Variants in DNAH14 observed in about 807,000 individuals in gnomAD.
DNAH14 encodes dynein axonemal heavy chain 14.
Under a neutral mutation model 520.9 loss-of-function variants are expected in DNAH14, and 478 were observed. The ratio of observed to expected loss-of-function variants is 0.92; its 90% confidence interval spans 0.85 to 0.99. The LOEUF (loss-of-function observed/expected upper bound fraction) is 0.99, where lower values mean the gene tolerates loss of function less well. DNAH14 is among the 50% of genes least tolerant of loss of function. DNAH14 has a pLI of 0.00. For synonymous variants in DNAH14, 1,581 were observed against 1,757.2 expected (o/e 0.90, Z 2.51); for missense variants, 4,831 against 5,234.5 (o/e 0.92, Z 2.38).
chr1:225,155,605 A>T (rs2080953734), intron 34 of DNAH14, among the ~76,000 whole-genome samples: 1 of 152,180 alleles, frequency 6.6e-6, no homozygotes, highest in Non-Finnish European at 1.5e-5. Flanking sequence ...TTCTTTACGT[A>T]AGTATTTCAG....
intron 60 of DNAH14, among the ~76,000 whole-genome samples, chr1:225,317,614 C>T (rs780430731): frequency 1.3e-5 from 2 of 151,442 alleles, no homozygotes; most frequent in Non-Finnish European, 2.9e-5. Context: ...TATACAACTC[C>T]CAGTAAAAAA....
At chr1:225,322,085 C>CTTTTTTTTTTTTTTTTTTTTTTT (rs3047035) in intron 61 of DNAH14, among the ~76,000 whole-genome samples, 12 of 90,180 alleles carry the variant, frequency 1.3e-4, no homozygotes, top group South Asian at 5.1e-4. Flanking sequence ...TTTTTTCTTT[C>CTTTTTTTTTTTTTTTTTTTTTTT]TTTTTTTTTT....
chr1:225,324,719 T>A lies in DNAH14; in HGVS notation c.9628-18T>A. ...CCCGACGTTTTTGACACTTAAATGTTCTGACATTCTCTTTAAGGTTGTGGG... is the reference window on the plus strand; with the variant it reads ...CCCGACGTTTTTGACACTTAAATGTACTGACATTCTCTTTAAGGTTGTGGG... On this transcript the variant is annotated intron_variant, in intron 63 of 85. Coordinates refer to ENST00000682510, the MANE Select transcript of DNAH14 (RefSeq NM_001367479.1). 1 of 1,544,928 alleles carries A rather than the reference T, an allele frequency of 6.5e-7. No homozygotes were observed. Among genetic ancestry groups the A allele is most frequent in the East Asian group, 2.4e-5 (1 of 40,844 alleles).
chr1:225,006,584 C>T lies in DNAH14; in HGVS notation c.976-829C>T, dbSNP rs144522357. Among the ~76,000 whole-genome samples, 766 of 152,238 alleles carry T rather than the reference C, an allele frequency of 5.0e-3. 6 individuals carry two copies. Among genetic ancestry groups the T allele is most frequent in the African/African-American group, 0.017 (723 of 41,550 alleles). Reference sequence around the variant, plus strand: ...TGAAATACGCCCTGGTCTCCTGCAGCGCCCTCAGGCTTGCTAGGATTAGGA... The same window carrying T: ...TGAAATACGCCCTGGTCTCCTGCAGTGCCCTCAGGCTTGCTAGGATTAGGA... On this transcript the variant is annotated intron_variant, in intron 9 of 85. Coordinates refer to ENST00000682510, the MANE Select transcript of DNAH14 (RefSeq NM_001367479.1).
intron 84 of DNAH14, 133 bp from the exon 85 acceptor site, chr1:225,398,387 A>C: frequency 9.1e-7 from 1 of 1,092,990 alleles, no homozygotes; most frequent in Admixed American, 3.0e-5. Flanking sequence ...ATAAGTATTC[A>C]CCTTAGAACT....
chr1:225,293,020 C>T (rs913470139), intron 55 of DNAH14, among the ~76,000 whole-genome samples: 2 of 152,050 alleles, frequency 1.3e-5, no homozygotes, highest in African/African-American at 2.4e-5. Flanking sequence ...AAGACATGAA[C>T]AGACACTTTT....
At position 224,968,816 on chromosome 1, in the gene DNAH14, C is replaced by G; in HGVS notation, c.709C>G (p.Leu237Val). ...EVELIPTLEWLSERRHYYLLR... is the reference protein window; with the variant it reads ...EVELIPTLEWVSERRHYYLLR... ...AGAACTCATACCTACTTTGGAATGGCTATCAGAAAGAAGACATTACTATTT... is the reference window on the plus strand; with the variant it reads ...AGAACTCATACCTACTTTGGAATGGGTATCAGAAAGAAGACATTACTATTT... The change falls in exon 7 of 86, where the codon CTA becomes GTA. Residue 237 changes from leucine to valine, a missense_variant. Transcript: ENST00000682510. The G allele has an allele frequency of 2.6e-6, 4 of 1,542,126 alleles. No individual in the cohort carries two copies. Among genetic ancestry groups the G allele is most frequent in the Non-Finnish European group, 3.5e-6 (4 of 1,143,348 alleles).
chr1:225,270,361 T>C (rs923498461), intron 49 of DNAH14, among the ~76,000 whole-genome samples: 2 of 150,108 alleles, frequency 1.3e-5, no homozygotes, highest in African/African-American at 4.9e-5. Flanking sequence ...TTAGGAGATA[T>C]ACCTAATGTA....
intron 8 of DNAH14, among the ~76,000 whole-genome samples, chr1:224,986,052 G>A (rs1199917516): frequency 6.6e-6 from 1 of 151,756 alleles, no homozygotes; most frequent in African/African-American, 2.4e-5. Flanking sequence ...AGTACAAGAA[G>A]GTTATAGAAC....
chr1:224,969,704 T>C (rs373047909), intron 7 of DNAH14: 6 of 264,590 alleles, frequency 2.3e-5, no homozygotes, highest in Admixed American at 5.6e-5. Flanking sequence ...GAAGATTTCA[T>C]GAACATTTAT....
At chr1:225,263,038 T>C (rs1432495181) in intron 46 of DNAH14, among the ~76,000 whole-genome samples, 4 of 151,804 alleles carry the variant, frequency 2.6e-5, no homozygotes, top group Non-Finnish European at 1.5e-5. Context: ...ATCTACCTTA[T>C]GCAAATAAAA....
chr1:225,300,499 G>C (rs573494215), intron 55 of DNAH14, among the ~76,000 whole-genome samples: 84 of 152,254 alleles, frequency 5.5e-4, no homozygotes, highest in Non-Finnish European at 7.8e-4. Flanking sequence ...TGGGAAGATG[G>C]ACCAGCCCAG....
At chr1:225,328,681 A>G (rs906290623) in intron 64 of DNAH14, among the ~76,000 whole-genome samples, 4 of 152,164 alleles carry the variant, frequency 2.6e-5, no homozygotes, top group Non-Finnish European at 5.9e-5. Context: ...TCACATGAAC[A>G]TTCATCAAAA....
intron 35 of DNAH14, among the ~76,000 whole-genome samples, chr1:225,164,010 T>C (rs1328942294): frequency 6.6e-6 from 1 of 152,182 alleles, no homozygotes; most frequent in Non-Finnish European, 1.5e-5. Context: ...TAATATGTTC[T>C]GTGCCTATTG....
chr1:225,364,149 A>G (rs973933795), intron 75 of DNAH14, among the ~76,000 whole-genome samples: 2 of 152,336 alleles, frequency 1.3e-5, no homozygotes, highest in Admixed American at 6.5e-5. Context: ...TGTGATATCA[A>G]TCTGTCTCAT....
At chr1:225,106,912 G>A (rs12061265) in intron 23 of DNAH14, among the ~76,000 whole-genome samples, 19,447 of 152,046 alleles carry the variant, frequency 0.13, 3,811 homozygotes, top group African/African-American at 0.43. Flanking sequence ...GCATTGTTCC[G>A]TTGCTGGTGA....
At chr1:224,930,358 G>C (rs1029239786) in intron 1 of DNAH14, among the ~76,000 whole-genome samples, 1 of 152,078 alleles carries the variant, frequency 6.6e-6, no homozygotes, top group Admixed American at 6.5e-5. Context: ...GATAGACTAC[G>C]CTAGGAAATA....
intron 61 of DNAH14, among the ~76,000 whole-genome samples, chr1:225,321,632 T>C (rs2150201799): frequency 6.6e-6 from 1 of 152,310 alleles, no homozygotes; most frequent in East Asian, 1.9e-4. Flanking sequence ...ACAGCAACCA[T>C]CACCCCCTTG....
intron 55 of DNAH14, among the ~76,000 whole-genome samples, chr1:225,299,746 G>C (rs938072277): frequency 2.0e-5 from 3 of 152,142 alleles, no homozygotes; most frequent in Non-Finnish European, 4.4e-5. Context: ...GCTTCTTCTG[G>C]CCATATCATT....
Sources: allele counts gnomAD v4.1 joint callset (sites outside exome capture counted in the v4.1 genomes callset), GRCh38; gene constraint gnomAD v4.1.1; transcripts MANE v1.5; gene names NCBI Gene and HGNC (gene_info 2026-07-23, HGNC 2026-07-21).